The following TMEM38B variants were observed in gnomAD, a reference collection of about 807,000 sequenced individuals.
TMEM38B encodes the protein trimeric intracellular cation channel type B.
TMEM38B carries 24 observed loss-of-function variants against 28.7 expected under a neutral mutation model. That is an observed-to-expected ratio of 0.84 (90% CI 0.61 to 1.18). The LOEUF is 1.18. Ranked by LOEUF, TMEM38B falls within the 50% of genes most tolerant of loss-of-function variation. The pLI, the probability that TMEM38B is intolerant of heterozygous loss-of-function variation, is 0.00. For synonymous variants in TMEM38B, 131 were observed against 127.7 expected (o/e 1.03, Z -0.17); for missense variants, 380 against 350.9 (o/e 1.08, Z -0.66).
chr9:105,734,501 C>A (rs957611300), intron 4 of TMEM38B, among the ~76,000 whole-genome samples: 4 of 151,952 alleles, frequency 2.6e-5, no homozygotes, highest in Non-Finnish European at 2.9e-5. Flanking sequence ...TTTATTAATG[C>A]TTTCTCTGGT....
chr9:105,759,960 T>C, intron 5 of TMEM38B: 1 of 1,568,900 alleles, frequency 6.4e-7, no homozygotes, highest in Non-Finnish European at 8.8e-7. Flanking sequence ...TGCAAACAGC[T>C]ATGCAAAGTG....
chr9:105,711,752 C>T (rs111563428), intron 2 of TMEM38B, among the ~76,000 whole-genome samples: 198 of 149,054 alleles, frequency 1.3e-3, no homozygotes, highest in African/African-American at 4.7e-3. Flanking sequence ...CCCTGGAAGT[C>T]GAGGCTGCAG....
At chr9:105,747,846 T>C (rs2133617966) in intron 4 of TMEM38B, among the ~76,000 whole-genome samples, 1 of 152,348 alleles carries the variant, frequency 6.6e-6, no homozygotes, top group South Asian at 2.1e-4. Flanking sequence ...CCAGTAGTCA[T>C]TCAGGAGCAG....
intron 1 of TMEM38B, among the ~76,000 whole-genome samples, chr9:105,698,758 C>T (rs1332519209): frequency 1.3e-5 from 2 of 152,050 alleles, no homozygotes; most frequent in South Asian, 2.1e-4. Context: ...GGAAGCTTTC[C>T]ATTTTTTAAG....
At chr9:105,703,636 A>G (rs988961603) in intron 1 of TMEM38B, among the ~76,000 whole-genome samples, 1 of 152,086 alleles carries the variant, frequency 6.6e-6, no homozygotes, top group Non-Finnish European at 1.5e-5. Flanking sequence ...GACTTCCACA[A>G]TGGTTGAACT....
intron 2 of TMEM38B, among the ~76,000 whole-genome samples, chr9:105,717,510 G>A (rs1407286671): frequency 4.6e-5 from 7 of 151,990 alleles, no homozygotes; most frequent in Admixed American, 3.9e-4. Context: ...ATTCTGTTAC[G>A]GTAAATACTG....
At chr9:105,771,083 G>A (rs1826528871) in intron 5 of TMEM38B, among the ~76,000 whole-genome samples, 1 of 151,852 alleles carries the variant, frequency 6.6e-6, no homozygotes, top group Non-Finnish European at 1.5e-5. Flanking sequence ...TTATATTTTG[G>A]GATATGTTAA....
intron 4 of TMEM38B, among the ~76,000 whole-genome samples, chr9:105,741,366 C>A (rs1837196518): frequency 6.6e-6 from 1 of 152,020 alleles, no homozygotes; most frequent in Non-Finnish European, 1.5e-5. Flanking sequence ...TTGAAGTGCA[C>A]AGTGGAATTA....
intron 4 of TMEM38B, among the ~76,000 whole-genome samples, chr9:105,727,224 C>T (rs1836549024): frequency 6.6e-6 from 1 of 152,060 alleles, no homozygotes; most frequent in South Asian, 2.1e-4. Context: ...ATTTCCTCCC[C>T]CGACCCTGCC....
At chr9:105,756,864 A>C (rs1837851078) in intron 5 of TMEM38B, among the ~76,000 whole-genome samples, 1 of 152,230 alleles carries the variant, frequency 6.6e-6, no homozygotes, top group African/African-American at 2.4e-5. Context: ...TTTAGATTTT[A>C]CTGATACTGA....
At chr9:105,745,833 A>G (rs1196563657) in intron 4 of TMEM38B, among the ~76,000 whole-genome samples, 4 of 152,214 alleles carry the variant, frequency 2.6e-5, no homozygotes, top group African/African-American at 7.2e-5. Context: ...TTTATTAGGT[A>G]GGGAATCCTT....
intron 1 of TMEM38B, among the ~76,000 whole-genome samples, chr9:105,697,484 G>T (rs957102600): frequency 5.3e-5 from 8 of 152,108 alleles, no homozygotes; most frequent in Non-Finnish European, 1.2e-4. Context: ...CCATTCTGAT[G>T]ATCAGAAAGC....
At chr9:105,760,008 C>G (rs1588467292) in intron 5 of TMEM38B, 1 of 1,454,724 alleles carries the variant, frequency 6.9e-7, no homozygotes, top group East Asian at 2.3e-5. Flanking sequence ...ATAAAAGACT[C>G]TGCAAAAGTT....
chr9:105,695,540 T>C (rs1414923511), intron 1 of TMEM38B, among the ~76,000 whole-genome samples: 1 of 152,252 alleles, frequency 6.6e-6, no homozygotes, highest in African/African-American at 2.4e-5. Context: ...TTGTATTTTA[T>C]TGGATTTTAC....
intron 1 of TMEM38B, among the ~76,000 whole-genome samples, 156 bp from the exon 2 acceptor site, chr9:105,705,441 G>T (rs1835620968): frequency 6.6e-6 from 1 of 152,170 alleles, no homozygotes; most frequent in Non-Finnish European, 1.5e-5. Context: ...AGAATAAAAG[G>T]TATGATTTTT....
chr9:105,741,446 T>C (rs1239246855), intron 4 of TMEM38B, among the ~76,000 whole-genome samples: 6 of 152,196 alleles, frequency 3.9e-5, no homozygotes, highest in African/African-American at 1.2e-4. Flanking sequence ...TATAAATATA[T>C]AGTCTTTGAT....
intron 4 of TMEM38B, among the ~76,000 whole-genome samples, chr9:105,724,069 C>A (rs192258157): frequency 6.6e-6 from 1 of 152,008 alleles, no homozygotes; most frequent in East Asian, 2.0e-4. Flanking sequence ...CTCCTGACCT[C>A]AGGTGATCCA....
At chr9:105,744,391 C>G (rs530963144) in intron 4 of TMEM38B, among the ~76,000 whole-genome samples, 1 of 151,732 alleles carries the variant, frequency 6.6e-6, no homozygotes, top group Admixed American at 6.6e-5. Flanking sequence ...TAACTTAGAA[C>G]GTGTTATTTT....
chr9:105,703,899 G>GT (rs1275856610), intron 1 of TMEM38B, among the ~76,000 whole-genome samples: 3 of 151,142 alleles, frequency 2.0e-5, no homozygotes, highest in Non-Finnish European at 4.4e-5. Flanking sequence ...GGGGTTGTTT[G>GT]TTTTTTTCTT....
Sources: gnomAD v4.1 joint callset for allele counts (sites outside exome capture counted in the v4.1 genomes callset) on GRCh38, gnomAD v4.1.1 for gene constraint, MANE v1.5 for transcripts, NCBI Gene and HGNC (gene_info 2026-07-23, HGNC 2026-07-21) for gene names.